Variants in ASS1 observed in about 807,000 individuals in gnomAD.
ASS1 encodes the protein argininosuccinate synthase.
Under a neutral mutation model 60.5 loss-of-function variants are expected in ASS1, and 58 were observed. The observed-to-expected ratio is 0.96, with a 90% CI of 0.78 to 1.19. The LOEUF is 1.19. ASS1 is among the 50% of genes most tolerant of loss of function. The pLI is 0.00. For missense variants in ASS1, 454 were observed against 547.3 expected, an observed-to-expected ratio of 0.83 and a Z score of 1.70; for synonymous variants, 200 against 206.9, an observed-to-expected ratio of 0.97 and a Z score of 0.29.
rs1329502815 is a variant in ASS1 at position 130,452,442 on chromosome 9, A to G, written c.105+109A>G. On this transcript the variant is annotated intron_variant, in intron 2 of 14. Transcript: ENST00000352480. ...TCAGCCTGTCTGCTCACCGTCACTC[A>G]TTCAAGCCTGGCCTCTTCTCTCGAA... The G allele has an allele frequency of 7.4e-6, 7 of 948,606 alleles. No homozygotes were observed. In the Admixed American group the frequency reaches 1.4e-4, roughly 18 times the overall value. The allele number at this position is 948,606 out of a possible 1,614,324, so 58.8% of individuals were successfully genotyped here.
chr9:130,462,891 G>C (rs1588479551), intron 4 of ASS1, among the ~76,000 whole-genome samples: 1 of 152,200 alleles, frequency 6.6e-6, no homozygotes, highest in Admixed American at 6.5e-5. Context: ...CGAGTTTGCT[G>C]TGTGGCCCTG....
At chr9:130,484,838 C>T (rs1370530357) in intron 11 of ASS1, among the ~76,000 whole-genome samples, 3 of 152,122 alleles carry the variant, frequency 2.0e-5, no homozygotes, top group Non-Finnish European at 2.9e-5. Context: ...CACGTGCGCG[C>T]GCGCGCGTCG....
rs1308957698 is a variant in ASS1, at chr9:130,478,793, C to G, written c.689-923C>G. Among the ~76,000 whole-genome samples the G allele has an allele frequency of 6.6e-5, 10 of 152,072 alleles. No individual in the cohort carries two copies. The highest frequency in any genetic ancestry group is 1.9e-4 in the East Asian group (1 of 5,160). On this transcript the variant is annotated intron_variant, in intron 9 of 14. Coordinates refer to ENST00000352480, the MANE Select transcript of ASS1 (RefSeq NM_054012.4). This position sits in a 1 kb window ranked among gnomAD's most constrained non-coding sequence, Gnocchi z 4.7. ...ACTTACATTTAATAGCAATTTACAA[C>G]CAAGTTATAAAACCCCTGGAAATGG...
At chr9:130,486,749 T>G (rs555241044) in intron 11 of ASS1, among the ~76,000 whole-genome samples, 1 of 152,282 alleles carries the variant, frequency 6.6e-6, no homozygotes, top group Non-Finnish European at 1.5e-5. Flanking sequence ...ACCTGGTTGC[T>G]CTGAGGGGCT....
At chr9:130,499,682 T>A in intron 14 of ASS1, 112 bp downstream of exon 14, 1 of 979,768 alleles carries the variant, frequency 1.0e-6, no homozygotes, top group Non-Finnish European at 1.6e-6. Flanking sequence ...ACTGCTGCCC[T>A]GCCCTGCCCT....
At chr9:130,472,692 T>C (rs1024696397) in intron 8 of ASS1, among the ~76,000 whole-genome samples, 2 of 152,112 alleles carry the variant, frequency 1.3e-5, no homozygotes, top group African/African-American at 2.4e-5. Flanking sequence ...TGCCTGCTGG[T>C]CACAGGTTTT....
chr9:130,489,854 G>A lies in ASS1; in HGVS notation c.970+390G>A, dbSNP rs2118865564. On this transcript the variant is annotated intron_variant, in intron 12 of 14. Coordinates refer to ENST00000352480, the MANE Select transcript of ASS1 (RefSeq NM_054012.4). This position sits in a 1 kb window ranked among gnomAD's most constrained non-coding sequence, Gnocchi z 4.1. ...AGGTCTGCAGCTCCTTGTACACGAGGAAACTGAGGCTCAGAAGGAAAGCAT... is the reference window on the plus strand; with the variant it reads ...AGGTCTGCAGCTCCTTGTACACGAGAAAACTGAGGCTCAGAAGGAAAGCAT... Among the ~76,000 whole-genome samples, 2 of 152,374 alleles carry A rather than the reference G, an allele frequency of 1.3e-5. No homozygotes were observed. Among genetic ancestry groups the A allele is most frequent in the South Asian group, 4.1e-4 (2 of 4,830 alleles).
In ASS1 at chr9:130,454,339, C is replaced by T. The variant is rs1301161301; in HGVS notation, c.140C>T (p.Ala47Val). The change falls in exon 3 of 15, where the codon GCC becomes GTC. Residue 47 changes from alanine (A) to valine (V), a missense_variant. Physicochemically the swap from Ala to Val is moderately conservative, Grantham distance 64 (BLOSUM62 0). Transcript: ENST00000352480. ...GGCCAGAAGGAAGACTTCGAGGAAG[C>T]CAGGAAGAAGGCACTGAAGCTTGGG... ...NIGQKEDFEEARKKALKLGAK... is the reference protein window; with the variant it reads ...NIGQKEDFEEVRKKALKLGAK... 3.1e-6 allele frequency: 5 copies of T among 1,613,370 alleles called. No homozygotes were observed. Among genetic ancestry groups the T allele is most frequent in the East Asian group, 2.2e-5 (1 of 44,860 alleles).
At chr9:130,471,458 A>G in intron 7 of ASS1, 27 bp from the exon 8 acceptor site, 1 of 1,613,686 alleles carries the variant, frequency 6.2e-7, no homozygotes, top group South Asian at 1.1e-5. Flanking sequence ...TCCCCAGCTG[A>G]CCCTGTCTTT....
At position 130,501,183 on chromosome 9, in the gene ASS1, C is replaced by A; in HGVS notation, c.*162C>A. Reference sequence around the variant, plus strand: ...TGTTCCCTGGTCCCCCTGAAGCCTGCAAACGTTGTCATCGAAGGGAAGGGT... The same window carrying A: ...TGTTCCCTGGTCCCCCTGAAGCCTGAAAACGTTGTCATCGAAGGGAAGGGT... On this transcript the variant is annotated 3_prime_UTR_variant, in exon 15 of 15. Transcript: ENST00000352480. 2 of 747,576 alleles carry A rather than the reference C, an allele frequency of 2.7e-6. No individual in the cohort carries two copies. Among genetic ancestry groups the A allele is most frequent in the South Asian group, 1.5e-5 (1 of 64,930 alleles). The allele number at this position is 747,576 out of a possible 1,614,324, so 46.3% of individuals were successfully genotyped here. A position where few individuals can be genotyped will look rare whatever the true frequency, so the allele number is the denominator to read the frequency against.
In ASS1 at chr9:130,490,080, A is replaced by G. The variant is rs1166247618; in HGVS notation, c.970+616A>G. Among the ~76,000 whole-genome samples, 4 of 152,178 alleles carry G rather than the reference A, an allele frequency of 2.6e-5. No individual in the cohort carries two copies. The East Asian group carries it at 7.7e-4, about 29-fold the overall frequency. ...CTGAGCCCTGTCACACACCCAGCCC[A>G]TGTGTGGAAGGACCGGTGGGTGACA... is the stretch of plus-strand genomic sequence containing the variant. On this transcript the variant is annotated intron_variant, in intron 12 of 14. Coordinates refer to ENST00000352480, the MANE Select transcript of ASS1 (RefSeq NM_054012.4).
chr9:130,471,076 A>G lies in ASS1; in HGVS notation c.566+172A>G, dbSNP rs149311811. ...AGCGCCCGGCTCATGCACTGCCCTC[A>G]TTGCAGTTCTGCTGAGTGTTGTTGG... On this transcript the variant is annotated intron_variant, in intron 7 of 14. Coordinates refer to ENST00000352480, the MANE Select transcript of ASS1 (RefSeq NM_054012.4). 3.3e-3 allele frequency among the ~76,000 whole-genome samples: 504 copies of G among 152,290 alleles called. 4 individuals are homozygous for G. The highest frequency in any genetic ancestry group is 0.012 in the African/African-American group (478 of 41,554).
chr9:130,482,471 C>A (rs953468651), intron 11 of ASS1, among the ~76,000 whole-genome samples: 2 of 151,766 alleles, frequency 1.3e-5, no homozygotes, highest in Admixed American at 6.6e-5. Flanking sequence ...GGGCTGCTTG[C>A]AGGCACTACC....
rs765748014 is a variant in ASS1, at chr9:130,479,799, G to A, written c.772G>A (p.Ala258Thr). 2.0e-5 allele frequency: 33 copies of A among 1,613,758 alleles called. No individual in the cohort carries two copies. Among genetic ancestry groups the A allele is most frequent in the South Asian group, 6.6e-5 (6 of 91,086 alleles). ...LELFMYLNEVAGKHGVGRIDI... is the reference protein window; with the variant it reads ...LELFMYLNEVTGKHGVGRIDI... ...GCTCTTCATGTACCTGAACGAAGTC[G>A]CGTGAGTGTCTGCAGCCCTGTCCGG... The change falls in exon 10 of 15, where the codon GCG (alanine) becomes ACG (threonine). Residue 258 changes from alanine (A) to threonine (T), a missense_variant and splice_region_variant. Coordinates refer to ENST00000352480, the MANE Select transcript of ASS1 (RefSeq NM_054012.4).
chr9:130,466,567 T>C (rs1289025018), intron 5 of ASS1, 158 bp from the exon 6 acceptor site: 2 of 714,738 alleles, frequency 2.8e-6, no homozygotes, highest in Non-Finnish European at 4.9e-6. Flanking sequence ...TTCCCCTCCT[T>C]CATGGGGCTC....
rs1846048077 is a variant in ASS1 at position 130,477,418 on chromosome 9, G to T, written c.688+457G>T. Among the ~76,000 whole-genome samples, 1 of 152,146 alleles carries T rather than the reference G, an allele frequency of 6.6e-6. No homozygotes were observed. Among genetic ancestry groups the T allele is most frequent in the South Asian group, 2.1e-4 (1 of 4,832 alleles). ...GCGAGCTGGCCTCATGGACCCCTGG[G>T]ACCCCACATGGAAAGCCTTCGCCAG... On this transcript the variant is annotated intron_variant, in intron 9 of 14. Transcript: ENST00000352480. The surrounding 1 kb of genome is among the most constrained non-coding windows in gnomAD (Gnocchi z 4.2).
chr9:130,465,059 T>A lies in ASS1; in HGVS notation c.420+892T>A, dbSNP rs866946287. Among the ~76,000 whole-genome samples, 1,183 of 141,314 alleles carry A rather than the reference T, an allele frequency of 8.4e-3. 7 individuals carry two copies. Among genetic ancestry groups the A allele is most frequent in the Middle Eastern group, 0.018 (5 of 274 alleles). 92.7% of individuals were successfully genotyped at this position (141,314 alleles called of 152,430 possible). On this transcript the variant is annotated intron_variant, in intron 5 of 14. Transcript: ENST00000352480. ...TTATATATATATATATATATATATT[T>A]TTTTTTTTTCTTTTTCTGGAGACTC... is the stretch of plus-strand genomic sequence containing the variant.
chr9:130,464,362 C>G (rs1444053964), intron 5 of ASS1, among the ~76,000 whole-genome samples, 195 bp downstream of exon 5: 1 of 152,204 alleles, frequency 6.6e-6, no homozygotes, highest in African/African-American at 2.4e-5. Flanking sequence ...ACTTTCTTCC[C>G]CGCCATTCAT....
rs1045753163 is a variant in ASS1, at chr9:130,466,551, G to A, written c.421-174G>A. The stretch of plus-strand genomic sequence containing the variant: ...CCAGCCAGCCCCGGTGAGGGAGTCT[G>A]TGTCCTTCCCCTCCTTCATGGGGCT... On this transcript the variant is annotated intron_variant, in intron 5 of 14. Coordinates refer to ENST00000352480, the MANE Select transcript of ASS1 (RefSeq NM_054012.4). The A allele has an allele frequency of 1.2e-5, 8 of 671,180 alleles. No individual in the cohort carries two copies. In the African/African-American group the frequency reaches 1.4e-4, roughly 12 times the overall value. 41.6% of individuals were successfully genotyped at this position (671,180 alleles called of 1,614,324 possible).
Sources: allele counts gnomAD v4.1 joint callset (sites outside exome capture counted in the v4.1 genomes callset), GRCh38; gene constraint gnomAD v4.1.1; non-coding constraint Gnocchi (gnomAD v3.1); transcripts MANE v1.5; gene names NCBI Gene and HGNC (gene_info 2026-07-23, HGNC 2026-07-21).